The following SPOCK1 variants were observed in gnomAD, a reference collection of about 807,000 sequenced individuals.
SPOCK1 encodes testican-1.
A neutral mutation model predicts 55.3 loss-of-function variants in SPOCK1; 23 were observed. That is an observed-to-expected ratio of 0.42 (90% CI 0.30 to 0.59). The LOEUF (loss-of-function observed/expected upper bound fraction) is 0.59, where lower values mean the gene tolerates loss of function less well. SPOCK1 is among the 20% of genes least tolerant of loss of function. The pLI, the probability that SPOCK1 is intolerant of heterozygous loss-of-function variation, is 0.22. For missense variants in SPOCK1, 499 were observed against 552.5 expected (o/e 0.90, Z 0.97); for synonymous variants, 226 against 221.0 (o/e 1.02, Z -0.20).
intron 2 of SPOCK1, among the ~76,000 whole-genome samples, chr5:137,376,064 A>G (rs1310260137): frequency 6.6e-6 from 1 of 152,254 alleles, no homozygotes; most frequent in Non-Finnish European, 1.5e-5. Context: ...TACATGAAGT[A>G]AAATGGGCAT....
At chr5:137,312,046 G>A (rs1392462358) in intron 2 of SPOCK1, among the ~76,000 whole-genome samples, 1 of 152,226 alleles carries the variant, frequency 6.6e-6, no homozygotes, top group Non-Finnish European at 1.5e-5. Flanking sequence ...CCAGGTATTT[G>A]AAAATGTGGA....
At chr5:137,399,571 C>G (rs911366321) in intron 2 of SPOCK1, among the ~76,000 whole-genome samples, 2 of 151,870 alleles carry the variant, frequency 1.3e-5, no homozygotes, top group Non-Finnish European at 2.9e-5. Flanking sequence ...AACATTTATT[C>G]CATGCAGAGA....
chr5:137,211,771 G>C (rs1206101883), intron 3 of SPOCK1, among the ~76,000 whole-genome samples: 2 of 152,096 alleles, frequency 1.3e-5, no homozygotes, highest in African/African-American at 2.4e-5. Flanking sequence ...CTATGTAATG[G>C]AGCTTCCATA....
chr5:137,404,846 C>T (rs1056744046), intron 2 of SPOCK1, among the ~76,000 whole-genome samples: 2 of 152,164 alleles, frequency 1.3e-5, no homozygotes, highest in Middle Eastern at 3.2e-3. Context: ...AACTAGCCTA[C>T]TGATATATAA....
At chr5:137,089,002 G>A (rs890072151) in intron 5 of SPOCK1, among the ~76,000 whole-genome samples, 1 of 152,210 alleles carries the variant, frequency 6.6e-6, no homozygotes, top group Non-Finnish European at 1.5e-5. Flanking sequence ...GAGAAGCATA[G>A]TCAACATGCC....
intron 3 of SPOCK1, among the ~76,000 whole-genome samples, chr5:137,209,703 C>T (rs1422054103): frequency 1.3e-5 from 2 of 152,096 alleles, no homozygotes; most frequent in African/African-American, 4.8e-5. Flanking sequence ...AACCCTTTCG[C>T]CTAACAATGG....
chr5:137,390,452 A>G (rs1460930584), intron 2 of SPOCK1, among the ~76,000 whole-genome samples: 1 of 152,220 alleles, frequency 6.6e-6, no homozygotes, highest in African/African-American at 2.4e-5. Context: ...CCATTTTAAT[A>G]GGAACACCAT....
intron 6 of SPOCK1, among the ~76,000 whole-genome samples, chr5:137,041,671 C>T (rs1752000840): frequency 6.6e-6 from 1 of 152,130 alleles, no homozygotes; most frequent in Non-Finnish European, 1.5e-5. Flanking sequence ...AACACTTTGC[C>T]ATATGTGATA....
intron 4 of SPOCK1, among the ~76,000 whole-genome samples, chr5:137,131,498 C>T (rs1033746939): frequency 6.6e-6 from 1 of 151,940 alleles, no homozygotes; most frequent in Non-Finnish European, 1.5e-5. Flanking sequence ...GTTCCAGCTA[C>T]TCAGGAGGCT....
At chr5:137,397,362 A>G (rs1229725) in intron 2 of SPOCK1, among the ~76,000 whole-genome samples, 68,376 of 152,092 alleles carry the variant, frequency 0.45, 15,568 homozygotes, top group Middle Eastern at 0.59. Context: ...AGAGATCAAC[A>G]TCTGGGCTGT....
At chr5:137,172,493 A>G (rs1171026603) in intron 3 of SPOCK1, among the ~76,000 whole-genome samples, 1 of 152,178 alleles carries the variant, frequency 6.6e-6, no homozygotes, top group African/African-American at 2.4e-5. Context: ...CTCTCTGTGC[A>G]TCAATATTTC....
intron 3 of SPOCK1, among the ~76,000 whole-genome samples, chr5:137,238,234 C>A (rs572379973): frequency 8.5e-5 from 13 of 152,324 alleles, no homozygotes; most frequent in African/African-American, 3.1e-4. Flanking sequence ...CTTATTAGTA[C>A]TAATGAAGTG....
intron 2 of SPOCK1, among the ~76,000 whole-genome samples, chr5:137,358,098 GA>G (rs1750857343): frequency 6.6e-6 from 1 of 152,118 alleles, no homozygotes; most frequent in Non-Finnish European, 1.5e-5. Flanking sequence ...GCAGAAGTCA[GA>G]AAGCACCAAG....
At chr5:137,228,378 T>C (rs1755987156) in intron 3 of SPOCK1, among the ~76,000 whole-genome samples, 1 of 152,210 alleles carries the variant, frequency 6.6e-6, no homozygotes, top group South Asian at 2.1e-4. Context: ...CAGCAGCTCA[T>C]GCCTGTAATG....
rs6596382 is a variant in SPOCK1 at position 137,424,499 on chromosome 5, C to G, written c.186+73874G>C. On this transcript the variant is annotated intron_variant, in intron 2 of 10. Transcript: ENST00000394945. ...ATTCCACTCCTAGTTACTTACCCAA[C>G]AGAAGTTAAAAGCATTCATTGCCAT... 1.9e-3 allele frequency among the ~76,000 whole-genome samples: 292 copies of G among 152,244 alleles called. 1 individual carries two copies. The highest frequency in any genetic ancestry group is 0.014 in the Middle Eastern group (4 of 294).
chr5:137,111,905 T>G (rs1753482432), intron 5 of SPOCK1, among the ~76,000 whole-genome samples: 1 of 152,184 alleles, frequency 6.6e-6, no homozygotes, highest in Non-Finnish European at 1.5e-5. Context: ...GTCACACACT[T>G]GTCCCTACCC....
chr5:137,315,300 T>C (rs1757859222), intron 2 of SPOCK1, among the ~76,000 whole-genome samples: 2 of 152,218 alleles, frequency 1.3e-5, no homozygotes, highest in South Asian at 4.1e-4. Context: ...TAATTCTCTC[T>C]CCATCTCATC....
At chr5:137,462,402 A>G (rs1438233332) in intron 2 of SPOCK1, among the ~76,000 whole-genome samples, 2 of 152,158 alleles carry the variant, frequency 1.3e-5, no homozygotes, top group Admixed American at 6.5e-5. Context: ...GCCATGGCTC[A>G]CACTCCGAGG....
intron 5 of SPOCK1, among the ~76,000 whole-genome samples, chr5:137,071,735 C>T (rs1342278662): frequency 6.6e-6 from 1 of 152,110 alleles, no homozygotes; most frequent in East Asian, 1.9e-4. Flanking sequence ...GAGCCCACGG[C>T]CTCCCACAGA....
Sources: gnomAD v4.1 joint callset for allele counts (sites outside exome capture counted in the v4.1 genomes callset) on GRCh38, gnomAD v4.1.1 for gene constraint, MANE v1.5 for transcripts, NCBI Gene and HGNC (gene_info 2026-07-23, HGNC 2026-07-21) for gene names.